GTF2IRD1: variants seen among roughly 807,000 people sequenced by gnomAD.
GTF2IRD1 encodes GTF2I repeat domain containing 1, also known as general transcription factor II-I repeat domain-containing protein 1.
GTF2IRD1 carries 26 observed loss-of-function variants against 113.2 expected under a neutral mutation model. The observed-to-expected ratio is 0.23, with a 90% CI of 0.17 to 0.32. The LOEUF (loss-of-function observed/expected upper bound fraction) is 0.32. Among genes scored for constraint, GTF2IRD1 ranks in the 10% least tolerant of loss-of-function variants. The pLI is 1.00. For missense variants in GTF2IRD1, 864 were observed against 1,280.8 expected, an observed-to-expected ratio of 0.67 and a Z score of 4.97; for synonymous variants, 484 against 529.1, an observed-to-expected ratio of 0.91 and a Z score of 1.17.
At chr7:74,566,531 G>A (rs56058519) in intron 22 of GTF2IRD1, among the ~76,000 whole-genome samples, 30,665 of 152,058 alleles carry the variant, frequency 0.2, 3,298 homozygotes, top group Middle Eastern at 0.3. Context: ...TAGTAGAGAC[G>A]GGGTTTTGCC....
chr7:74,572,421 C>A, intron 22 of GTF2IRD1: 1 of 173,946 alleles, frequency 5.7e-6, no homozygotes, highest in Non-Finnish European at 1.1e-5. Flanking sequence ...CATCTCTGAT[C>A]TAGATAAGTC....
intron 22 of GTF2IRD1, among the ~76,000 whole-genome samples, chr7:74,569,473 G>C (rs1377486135): frequency 2.6e-5 from 4 of 152,128 alleles, no homozygotes; most frequent in Non-Finnish European, 4.4e-5. Flanking sequence ...TGTGCAGTGA[G>C]GGGGGGATGG....
At position 74,559,021 on chromosome 7, in the gene GTF2IRD1, C is replaced by T. The variant is rs1554358215; in HGVS notation, c.2268C>T (p.Asp756=). ...TGGAGAGGATTCTTGCTGTGGCTGACAAGATCAAGTTCACAGTCACCAGGT... is the reference window on the plus strand; with the variant it reads ...TGGAGAGGATTCTTGCTGTGGCTGATAAGATCAAGTTCACAGTCACCAGGT... The part of the protein sequence containing the change: ...QNLERILAVA[D]KIKFTVTRPF... The change falls in exon 21 of 27, where the codon GAC becomes GAT. Residue 756 remains aspartate (D), a synonymous_variant. Transcript: ENST00000424337. The T allele has an allele frequency of 6.2e-7, 1 of 1,613,856 alleles. No homozygotes were observed. The highest frequency in any genetic ancestry group is 8.5e-7 in the Non-Finnish European group (1 of 1,179,920).
At chr7:74,501,129 G>A (rs1363381156) in intron 1 of GTF2IRD1, among the ~76,000 whole-genome samples, 3 of 152,106 alleles carry the variant, frequency 2.0e-5, no homozygotes, top group African/African-American at 4.8e-5. Context: ...CAGGAGAAAC[G>A]GACCCTGCTG....
chr7:74,513,014 C>T (rs781937968), intron 3 of GTF2IRD1, 43 bp downstream of exon 3: 18 of 1,595,410 alleles, frequency 1.1e-5, no homozygotes, highest in African/African-American at 5.4e-5. Flanking sequence ...CGCCATTTCC[C>T]GAGGGCAGGC....
chr7:74,455,684 C>A (rs782172469), intron 1 of GTF2IRD1, among the ~76,000 whole-genome samples: 2 of 152,166 alleles, frequency 1.3e-5, no homozygotes, highest in African/African-American at 4.8e-5. Flanking sequence ...CAGGCATCTG[C>A]GGACCAAGGG....
At chr7:74,547,375 C>A in intron 17 of GTF2IRD1, 89 bp downstream of exon 17, 2 of 1,010,964 alleles carry the variant, frequency 2.0e-6, no homozygotes, top group Non-Finnish European at 2.9e-6. Context: ...TCAAGCAATT[C>A]TTGTGCCTCA....
At chr7:74,544,644 A>G (rs1798820032) in intron 14 of GTF2IRD1, 111 bp from the exon 15 acceptor site, 3 of 1,014,022 alleles carry the variant, frequency 3.0e-6, no homozygotes, top group Non-Finnish European at 4.6e-6. Context: ...GCCATGCTTC[A>G]GAGTTGGGGC....
intron 17 of GTF2IRD1, among the ~76,000 whole-genome samples, chr7:74,548,733 A>G (rs1407789774): frequency 1.3e-5 from 2 of 151,936 alleles, no homozygotes; most frequent in Non-Finnish European, 2.9e-5. Context: ...ACAAGACCCC[A>G]TCTCTACAAA....
chr7:74,482,599 A>G (rs1370920820), intron 1 of GTF2IRD1, among the ~76,000 whole-genome samples: 5 of 152,070 alleles, frequency 3.3e-5, no homozygotes, highest in Non-Finnish European at 5.9e-5. Context: ...TTCACACACT[A>G]AACTACCCAG....
At chr7:74,599,440 C>A (rs1208706314) in intron 25 of GTF2IRD1, among the ~76,000 whole-genome samples, 3 of 152,164 alleles carry the variant, frequency 2.0e-5, no homozygotes, top group Admixed American at 6.6e-5. Context: ...GTGCTGGGTT[C>A]TTTTATGCAT....
chr7:74,491,349 G>A (rs1554336672), intron 1 of GTF2IRD1, among the ~76,000 whole-genome samples: 1 of 134,990 alleles, frequency 7.4e-6, no homozygotes, highest in African/African-American at 2.9e-5. Context: ...TGAGGTTCTT[G>A]GGTACAAGTG....
intron 1 of GTF2IRD1, among the ~76,000 whole-genome samples, chr7:74,505,667 T>G (rs1415849655): frequency 6.6e-6 from 1 of 152,210 alleles, no homozygotes; most frequent in Non-Finnish European, 1.5e-5. Flanking sequence ...GCTGGGAGGC[T>G]GGCAGCCCTA....
At chr7:74,583,221 C>T (rs1801520443) in intron 22 of GTF2IRD1, among the ~76,000 whole-genome samples, 1 of 151,966 alleles carries the variant, frequency 6.6e-6, no homozygotes, top group African/African-American at 2.4e-5. Flanking sequence ...CAGGATCTAG[C>T]TCAGTCACCC....
intron 1 of GTF2IRD1, among the ~76,000 whole-genome samples, chr7:74,485,143 G>A (rs1554335360): frequency 3.3e-5 from 5 of 152,142 alleles, no homozygotes; most frequent in Non-Finnish European, 7.3e-5. Flanking sequence ...CTTGTGAGTG[G>A]GATCATGCCA....
intron 1 of GTF2IRD1, among the ~76,000 whole-genome samples, chr7:74,455,690 A>G (rs546319698): frequency 7.2e-5 from 11 of 152,290 alleles, no homozygotes; most frequent in Admixed American, 2.0e-4. Context: ...TCTGCGGACC[A>G]AGGGACAGGC....
chr7:74,576,922 CCT>C (rs1353621769), intron 22 of GTF2IRD1, among the ~76,000 whole-genome samples: 1 of 151,908 alleles, frequency 6.6e-6, no homozygotes, highest in Non-Finnish European at 1.5e-5. Flanking sequence ...AGCACGGCCC[CCT>C]GTTTTAAGGA....
chr7:74,558,816 C>T (rs1554358125), intron 20 of GTF2IRD1, 45 bp from the exon 21 acceptor site: 6 of 1,530,482 alleles, frequency 3.9e-6, no homozygotes. Flanking sequence ...ACACCCCACG[C>T]TGCCTCTCAC....
At chr7:74,576,397 C>T (rs1159564156) in intron 22 of GTF2IRD1, among the ~76,000 whole-genome samples, 1 of 150,998 alleles carries the variant, frequency 6.6e-6, no homozygotes, top group Non-Finnish European at 1.5e-5. Context: ...CCCATCTCTA[C>T]TAAAAATACA....
Sources: allele counts gnomAD v4.1 joint callset (sites outside exome capture counted in the v4.1 genomes callset), GRCh38; gene constraint gnomAD v4.1.1; transcripts MANE v1.5; gene names NCBI Gene and HGNC (gene_info 2026-07-23, HGNC 2026-07-21).